Variants in KCNH8 observed in about 807,000 individuals in gnomAD.
KCNH8 encodes the protein voltage-gated delayed rectifier potassium channel KCNH8.
KCNH8 carries 70 observed loss-of-function variants against 103.6 expected under a neutral mutation model. That is an observed-to-expected ratio of 0.68 (90% CI 0.56 to 0.82). KCNH8 has a LOEUF of 0.82. KCNH8 is among the 40% of genes least tolerant of loss of function. KCNH8 has a pLI of 0.00. For synonymous variants in KCNH8, 498 were observed against 489.4 expected (o/e 1.02, Z -0.23); for missense variants, 1,217 against 1,329.9 (o/e 0.92, Z 1.32).
In KCNH8 at chr3:19,367,379, ACTCT is replaced by A. The variant is rs145060744; in HGVS notation, c.811+19427_811+19430del. Among the ~76,000 whole-genome samples the A allele has an allele frequency of 1.2e-4, 17 of 140,078 alleles. No individual in the cohort carries two copies. The South Asian group carries it at 1.6e-3, about 13-fold the overall frequency. The allele number at this position is 140,078 out of a possible 152,430, so 91.9% of individuals were successfully genotyped here. A position where few individuals can be genotyped will look rare whatever the true frequency, so the allele number is the denominator to read the frequency against. ...CCCCGTATTATAATTGTGTACCCCC[ACTCT>A]CTCTCTCTCTCTATATATATATTTA... On this transcript the variant is annotated intron_variant, in intron 5 of 15. Transcript: ENST00000328405.
At position 19,322,370 on chromosome 3, in the gene KCNH8, A is replaced by G. The variant is rs149572157; in HGVS notation, c.443-20217A>G. 8.5e-5 allele frequency among the ~76,000 whole-genome samples: 13 copies of G among 152,248 alleles called. No homozygotes were observed. In the East Asian group the frequency reaches 1.7e-3, roughly 20 times the overall value. On this transcript the variant is annotated intron_variant, in intron 3 of 15. Transcript: ENST00000328405. ...TAAAGCTCCTTTTAGGAGTTCTTGT[A>G]GTGCTGGCTTTGCAGTGGTGAATTC... is the stretch of plus-strand genomic sequence containing the variant.
chr3:19,203,194 G>C (rs551803097), intron 1 of KCNH8, among the ~76,000 whole-genome samples: 1 of 152,188 alleles, frequency 6.6e-6, no homozygotes, highest in East Asian at 1.9e-4. Flanking sequence ...TAATTTGAAA[G>C]TTTATAATTG....
At chr3:19,300,376 G>A (rs1297010769) in intron 3 of KCNH8, among the ~76,000 whole-genome samples, 1 of 152,166 alleles carries the variant, frequency 6.6e-6, no homozygotes, top group Non-Finnish European at 1.5e-5. Flanking sequence ...GACTCACCAT[G>A]GGGCAAGTTG....
chr3:19,329,155 C>A (rs962865476), intron 3 of KCNH8, among the ~76,000 whole-genome samples: 1 of 152,168 alleles, frequency 6.6e-6, no homozygotes, highest in African/African-American at 2.4e-5. Flanking sequence ...ACCAGAAGGG[C>A]ATTCCGAGGC....
At chr3:19,351,142 A>C (rs2065796232) in intron 5 of KCNH8, among the ~76,000 whole-genome samples, 1 of 152,146 alleles carries the variant, frequency 6.6e-6, no homozygotes, top group African/African-American at 2.4e-5. Flanking sequence ...TCAGTGACTG[A>C]AGATCAGATG....
chr3:19,242,225 T>C (rs1391789322), intron 1 of KCNH8, among the ~76,000 whole-genome samples: 1 of 152,212 alleles, frequency 6.6e-6, no homozygotes, highest in Non-Finnish European at 1.5e-5. Context: ...TCTGCAAAGA[T>C]TTCTAGGTAG....
intron 1 of KCNH8, among the ~76,000 whole-genome samples, chr3:19,220,074 C>A (rs2063857491): frequency 6.6e-6 from 1 of 152,144 alleles, no homozygotes; most frequent in Non-Finnish European, 1.5e-5. Flanking sequence ...AGATTCCCAG[C>A]AGAACTGCTG....
intron 11 of KCNH8, among the ~76,000 whole-genome samples, chr3:19,501,662 C>A (rs1460568140): frequency 6.6e-6 from 1 of 152,106 alleles, no homozygotes; most frequent in Non-Finnish European, 1.5e-5. Context: ...ATAAACAGAA[C>A]CAAAGACAAA....
intron 1 of KCNH8, among the ~76,000 whole-genome samples, chr3:19,176,606 TCA>T (rs1281533562): frequency 6.6e-6 from 1 of 152,150 alleles, no homozygotes; most frequent in Non-Finnish European, 1.5e-5. Flanking sequence ...GAATATATAC[TCA>T]GTTTGACCAG....
chr3:19,223,275 A>G (rs1285129248), intron 1 of KCNH8, among the ~76,000 whole-genome samples: 1 of 152,154 alleles, frequency 6.6e-6, no homozygotes, highest in African/African-American at 2.4e-5. Context: ...GTAAAATTAA[A>G]TTTGCATATG....
At chr3:19,260,053 A>G (rs1158822568) in intron 2 of KCNH8, among the ~76,000 whole-genome samples, 1 of 151,692 alleles carries the variant, frequency 6.6e-6, no homozygotes, top group Non-Finnish European at 1.5e-5. Flanking sequence ...AGAGGAGAAA[A>G]GGGGAGAGAG....
chr3:19,518,115 G>GA (rs749751176), intron 15 of KCNH8, 41 bp downstream of exon 15: 8 of 1,488,394 alleles, frequency 5.4e-6, no homozygotes, highest in Non-Finnish European at 7.5e-6. Flanking sequence ...ATGGTAAGAG[G>GA]AGATATAAAT....
At chr3:19,223,121 C>T (rs940901885) in intron 1 of KCNH8, among the ~76,000 whole-genome samples, 2 of 152,068 alleles carry the variant, frequency 1.3e-5, no homozygotes, top group Non-Finnish European at 2.9e-5. Context: ...ATCACTGAAA[C>T]CCTTAGGATT....
intron 3 of KCNH8, among the ~76,000 whole-genome samples, chr3:19,292,309 G>A (rs1455271032): frequency 6.6e-6 from 1 of 152,068 alleles, no homozygotes; most frequent in Non-Finnish European, 1.5e-5. Flanking sequence ...AGAATTTAGG[G>A]GTTGATGTGT....
chr3:19,434,551 A>T (rs981045682), intron 7 of KCNH8, among the ~76,000 whole-genome samples: 3 of 152,182 alleles, frequency 2.0e-5, no homozygotes, highest in African/African-American at 7.2e-5. Context: ...ATTTTCTTCC[A>T]GTGCTCTGCC....
At chr3:19,403,563 A>G (rs2066648240) in intron 7 of KCNH8, among the ~76,000 whole-genome samples, 1 of 151,280 alleles carries the variant, frequency 6.6e-6, no homozygotes, top group African/African-American at 2.4e-5. Context: ...TATAAGGTAT[A>G]AGGTATACCT....
At chr3:19,490,649 C>A (rs1417645972) in intron 11 of KCNH8, among the ~76,000 whole-genome samples, 1 of 152,134 alleles carries the variant, frequency 6.6e-6, no homozygotes, top group African/African-American at 2.4e-5. Context: ...CTTTTTCTTT[C>A]TTTGGAGGCA....
At chr3:19,318,516 C>T (rs963345905) in intron 3 of KCNH8, among the ~76,000 whole-genome samples, 14 of 151,686 alleles carry the variant, frequency 9.2e-5, no homozygotes, top group African/African-American at 3.1e-4. Flanking sequence ...TGAGTAAAAA[C>T]ATACAATTAT....
chr3:19,297,140 CAA>C (rs879912622), intron 3 of KCNH8, among the ~76,000 whole-genome samples: 3 of 152,036 alleles, frequency 2.0e-5, no homozygotes, highest in Non-Finnish European at 4.4e-5. Flanking sequence ...GAAATGTACT[CAA>C]GAGCATGGAA....
Sources: allele counts gnomAD v4.1 joint callset (sites outside exome capture counted in the v4.1 genomes callset), GRCh38; gene constraint gnomAD v4.1.1; transcripts MANE v1.5; gene names NCBI Gene and HGNC (gene_info 2026-07-23, HGNC 2026-07-21).